The following SUMF1 variants were observed in gnomAD, a reference collection of about 807,000 sequenced individuals.
SUMF1 encodes formylglycine-generating enzyme.
In SUMF1, 48 loss-of-function variants were observed where a neutral mutation model predicts 47.6. The ratio of observed to expected loss-of-function variants is 1.01; its 90% confidence interval spans 0.80 to 1.28. The LOEUF (loss-of-function observed/expected upper bound fraction) is 1.28. Among genes scored for constraint, SUMF1 ranks in the 50% most tolerant of loss-of-function variants. SUMF1 has a pLI of 0.00. For missense variants in SUMF1, 571 were observed against 485.4 expected (o/e 1.18, Z -1.66); for synonymous variants, 230 against 192.1 (o/e 1.20, Z -1.63).
intron 8 of SUMF1, among the ~76,000 whole-genome samples, chr3:4,324,518 T>A (rs1315384488): frequency 6.6e-6 from 1 of 152,164 alleles, no homozygotes; most frequent in Non-Finnish European, 1.5e-5. Context: ...GGAGTGAGCA[T>A]GAGCAGTGAG....
intron 8 of SUMF1, among the ~76,000 whole-genome samples, chr3:4,330,588 C>T (rs967963403): frequency 6.6e-5 from 10 of 152,152 alleles, no homozygotes; most frequent in South Asian, 6.2e-4. Context: ...CACTTGGCCC[C>T]GCCCTTGACA....
At chr3:4,419,749 G>T (rs1230098012) in intron 4 of SUMF1, among the ~76,000 whole-genome samples, 1 of 152,126 alleles carries the variant, frequency 6.6e-6, no homozygotes, top group Non-Finnish European at 1.5e-5. Flanking sequence ...GAAACAGAAT[G>T]TAAAGATTAA....
At chr3:4,174,667 A>C (rs930800810) in intron 8 of SUMF1, among the ~76,000 whole-genome samples, 1 of 152,118 alleles carries the variant, frequency 6.6e-6, no homozygotes, top group Non-Finnish European at 1.5e-5. Flanking sequence ...TACCTGGTTC[A>C]TCTCATTGGG....
chr3:4,130,675 G>C (rs539719719), intron 8 of SUMF1, among the ~76,000 whole-genome samples: 14 of 152,080 alleles, frequency 9.2e-5, no homozygotes, highest in Admixed American at 2.6e-4. Context: ...ATCCCCTCTA[G>C]GATGAAGGAT....
At chr3:4,185,593 C>T (rs547824613) in intron 8 of SUMF1, among the ~76,000 whole-genome samples, 8 of 152,180 alleles carry the variant, frequency 5.3e-5, no homozygotes, top group East Asian at 1.9e-4. Context: ...AATACTAATG[C>T]GAACTGTAGC....
In SUMF1 at chr3:4,080,154, G is replaced by T. The variant is rs140115231; in HGVS notation, c.1015-11409C>A. Among the ~76,000 whole-genome samples, 72 of 152,210 alleles carry T rather than the reference G, an allele frequency of 4.7e-4. 2 individuals carry two copies. The East Asian group carries it at 0.013, about 27-fold the overall frequency. ...CAATTCTTTACTTCCAGTTTTGACAGTTTCAGTGTTAACTAATCACTCCAG... is the reference window on the plus strand; with the variant it reads ...CAATTCTTTACTTCCAGTTTTGACATTTTCAGTGTTAACTAATCACTCCAG... On this transcript the variant is annotated intron_variant and NMD_transcript_variant, in intron 8 of 12. Transcript: ENST00000448413.
intron 8 of SUMF1, among the ~76,000 whole-genome samples, chr3:4,118,077 G>C (rs1271310677): frequency 1.3e-5 from 2 of 152,022 alleles, no homozygotes; most frequent in African/African-American, 4.8e-5. Flanking sequence ...GGGCGGATCT[G>C]GCAGATAATA....
At chr3:4,446,983 T>C (rs1702802597) in intron 3 of SUMF1, among the ~76,000 whole-genome samples, 1 of 152,152 alleles carries the variant, frequency 6.6e-6, no homozygotes, top group Admixed American at 6.5e-5. Flanking sequence ...AGTGTCTACT[T>C]TGAGAAGCAG....
intron 8 of SUMF1, among the ~76,000 whole-genome samples, chr3:4,069,080 G>A (rs1695451804): frequency 6.6e-6 from 1 of 152,116 alleles, no homozygotes; most frequent in Non-Finnish European, 1.5e-5. Context: ...GCCTCAGCAG[G>A]GCCAACCGTG....
intron 7 of SUMF1, among the ~76,000 whole-genome samples, chr3:4,386,883 G>C (rs769433287): frequency 3.4e-5 from 5 of 146,294 alleles, no homozygotes; most frequent in Non-Finnish European, 7.5e-5. Context: ...TTCTTCTTTT[G>C]CTTCTTATTA....
At chr3:4,150,161 A>G (rs1216355659) in intron 8 of SUMF1, among the ~76,000 whole-genome samples, 2 of 148,990 alleles carry the variant, frequency 1.3e-5, no homozygotes, top group Admixed American at 1.3e-4. Context: ...CTGGCGTATT[A>G]TAGCTCACTG....
intron 8 of SUMF1, among the ~76,000 whole-genome samples, chr3:4,134,698 A>C (rs964370737): frequency 2.6e-5 from 4 of 152,074 alleles, no homozygotes; most frequent in African/African-American, 4.8e-5. Flanking sequence ...TTTTTTGAAA[A>C]GATCAACAAA....
chr3:4,307,382 T>C (rs1698232536), intron 8 of SUMF1, among the ~76,000 whole-genome samples: 2 of 152,150 alleles, frequency 1.3e-5, no homozygotes, highest in South Asian at 4.1e-4. Context: ...CTCATAACCA[T>C]GCTTTTCCCT....
In SUMF1 at chr3:4,228,525, C is replaced by T. The variant is rs75068373; in HGVS notation, c.1014+147805G>A. On this transcript the variant is annotated intron_variant and NMD_transcript_variant, in intron 8 of 12. Coordinates refer to the SUMF1 transcript ENST00000448413. ...TAGAACCAACTCTGACTAATAGCAGCCACATTCTCTGATCTGCCCTCACCT... is the reference window on the plus strand; with the variant it reads ...TAGAACCAACTCTGACTAATAGCAGTCACATTCTCTGATCTGCCCTCACCT... Among the ~76,000 whole-genome samples the T allele has an allele frequency of 7.0e-3, 1,069 of 152,262 alleles. 3 individuals are homozygous for T. The highest frequency in any genetic ancestry group is 0.01 in the Non-Finnish European group (706 of 68,004).
intron 6 of SUMF1, among the ~76,000 whole-genome samples, chr3:4,416,701 T>C (rs575966018): frequency 9.3e-5 from 14 of 151,122 alleles, no homozygotes; most frequent in Middle Eastern, 6.8e-3. Context: ...CAGAGTTGAA[T>C]GGACAGTAAA....
chr3:4,046,438 T>C (rs1031122541), intron 9 of SUMF1, among the ~76,000 whole-genome samples: 1 of 152,130 alleles, frequency 6.6e-6, no homozygotes, highest in Non-Finnish European at 1.5e-5. Context: ...AGATGGAAGT[T>C]TCCACTGGCC....
chr3:4,059,437 A>G (rs1695242495), intron 9 of SUMF1, among the ~76,000 whole-genome samples: 2 of 152,172 alleles, frequency 1.3e-5, no homozygotes, highest in Non-Finnish European at 2.9e-5. Flanking sequence ...TTAACTTTTA[A>G]AGGACATCTA....
At chr3:4,068,904 AGTGTCTTGCCCCAG>A (rs1695447493) in intron 8 of SUMF1, among the ~76,000 whole-genome samples, 1 of 152,214 alleles carries the variant, frequency 6.6e-6, no homozygotes, top group Non-Finnish European at 1.5e-5. Context: ...AAAATGATTA[AGTGTCTTGCCCCAG>A]GTCACAACTA....
At chr3:4,434,736 C>T (rs529136564) in intron 3 of SUMF1, among the ~76,000 whole-genome samples, 2 of 152,008 alleles carry the variant, frequency 1.3e-5, no homozygotes, top group South Asian at 4.2e-4. Context: ...AATGAATGAA[C>T]AGAGTTGCAG....
Sources: gnomAD v4.1 joint callset for allele counts (sites outside exome capture counted in the v4.1 genomes callset) on GRCh38, gnomAD v4.1.1 for gene constraint, MANE v1.5 for transcripts, NCBI Gene and HGNC (gene_info 2026-07-23, HGNC 2026-07-21) for gene names.